The following SUSD4 variants were observed in gnomAD, a reference collection of about 807,000 sequenced individuals.
SUSD4 encodes the protein sushi domain containing 4.
In SUSD4, 41 loss-of-function variants were observed where a neutral mutation model predicts 50.5. That is an observed-to-expected ratio of 0.81 (90% CI 0.63 to 1.05). The LOEUF is 1.05. Ranked by LOEUF, SUSD4 falls within the 50% of genes least tolerant of loss-of-function variation. The pLI is 0.00. For synonymous variants in SUSD4, 257 were observed against 257.3 expected, an observed-to-expected ratio of 1.00 and a Z score of 0.01; for missense variants, 580 against 634.7, an observed-to-expected ratio of 0.91 and a Z score of 0.93.
At chr1:223,285,176 A>G (rs1664054603) in intron 3 of SUSD4, among the ~76,000 whole-genome samples, 1 of 152,210 alleles carries the variant, frequency 6.6e-6, no homozygotes, top group African/African-American at 2.4e-5. Context: ...TACCCAATCC[A>G]TATGACAGAC....
chr1:223,288,091 T>C (rs1400568321), intron 3 of SUSD4, among the ~76,000 whole-genome samples: 1 of 152,044 alleles, frequency 6.6e-6, no homozygotes, highest in Admixed American at 6.6e-5. Flanking sequence ...CCACCTCATA[T>C]GGTTTGGCTC....
At chr1:223,295,664 G>C (rs1664771693) in intron 2 of SUSD4, among the ~76,000 whole-genome samples, 1 of 152,116 alleles carries the variant, frequency 6.6e-6, no homozygotes, top group South Asian at 2.1e-4. Context: ...GTGCCTGCTA[G>C]GGGTGGGGCT....
At chr1:223,287,258 G>A (rs1254136969) in intron 3 of SUSD4, among the ~76,000 whole-genome samples, 1 of 152,154 alleles carries the variant, frequency 6.6e-6, no homozygotes, top group Non-Finnish European at 1.5e-5. Context: ...TGTATTTTTA[G>A]TAAAGACAAG....
At chr1:223,265,278 T>C (rs1434505449) in intron 4 of SUSD4, among the ~76,000 whole-genome samples, 1 of 152,184 alleles carries the variant, frequency 6.6e-6, no homozygotes, top group Non-Finnish European at 1.5e-5. Flanking sequence ...TTCAGAAGCT[T>C]AGGTTCCAAA....
At chr1:223,282,216 A>G (rs915698890) in intron 3 of SUSD4, among the ~76,000 whole-genome samples, 2 of 152,170 alleles carry the variant, frequency 1.3e-5, no homozygotes, top group Non-Finnish European at 2.9e-5. Flanking sequence ...CCTATTCAAC[A>G]TAGTGTTGGA....
At chr1:223,256,958 G>A (rs1034560259) in intron 5 of SUSD4, among the ~76,000 whole-genome samples, 12 of 152,170 alleles carry the variant, frequency 7.9e-5, no homozygotes, top group African/African-American at 2.2e-4. Context: ...ATAGGCTGGC[G>A]CCACACTTGC....
At chr1:223,342,372 T>A (rs565125927) in intron 2 of SUSD4, among the ~76,000 whole-genome samples, 6 of 152,390 alleles carry the variant, frequency 3.9e-5, no homozygotes, top group African/African-American at 1.4e-4. Context: ...ATTGAATAGA[T>A]GTCCCTTCTC....
intron 5 of SUSD4, among the ~76,000 whole-genome samples, chr1:223,262,608 C>G (rs1662200675): frequency 6.6e-6 from 1 of 152,126 alleles, no homozygotes; most frequent in African/African-American, 2.4e-5. Flanking sequence ...TAGTTTAACC[C>G]ACTGCTTAAT....
chr1:223,326,110 G>C (rs116013909), intron 2 of SUSD4, among the ~76,000 whole-genome samples: 3 of 152,220 alleles, frequency 2.0e-5, no homozygotes, highest in African/African-American at 7.2e-5. Context: ...ATACTACAAG[G>C]GTGTAGTTAC....
chr1:223,261,173 C>T (rs965288326), intron 5 of SUSD4, among the ~76,000 whole-genome samples: 18 of 152,290 alleles, frequency 1.2e-4, no homozygotes, highest in South Asian at 2.1e-4. Flanking sequence ...GGCCACCCAG[C>T]GGGCAGCAGA....
At chr1:223,279,669 G>A (rs1032454750) in intron 3 of SUSD4, among the ~76,000 whole-genome samples, 3 of 152,252 alleles carry the variant, frequency 2.0e-5, no homozygotes, top group East Asian at 1.9e-4. Flanking sequence ...ACTCTGCAGG[G>A]TATTATCCAG....
At chr1:223,264,851 C>A (rs781720892) in intron 4 of SUSD4, 33 bp from the exon 5 acceptor site, 2 of 1,604,022 alleles carry the variant, frequency 1.2e-6, no homozygotes, top group Admixed American at 1.7e-5. Context: ...GGAAAGATTC[C>A]ACTCTGTCAT....
rs559574156 is a variant in SUSD4, at chr1:223,335,847, A to G, written c.148+27431T>C. On this transcript the variant is annotated intron_variant, in intron 2 of 8. Transcript: ENST00000366878. ...AAGAATGTCTACAGGGAAAAAGGAGATTTGCTAGATTACTTGTTGCACTTG... is the reference window on the plus strand; with the variant it reads ...AAGAATGTCTACAGGGAAAAAGGAGGTTTGCTAGATTACTTGTTGCACTTG... 2.0e-5 allele frequency among the ~76,000 whole-genome samples: 3 copies of G among 152,270 alleles called. 1 individual carries two copies. The South Asian group carries it at 6.2e-4, about 32-fold the overall frequency.
At chr1:223,355,194 C>T (rs534094308) in intron 2 of SUSD4, among the ~76,000 whole-genome samples, 2 of 152,116 alleles carry the variant, frequency 1.3e-5, no homozygotes, top group South Asian at 4.2e-4. Context: ...CCTGTTTCAG[C>T]CTGCTGGGTA....
In SUSD4 at chr1:223,228,832, T is replaced by C. The variant is rs577931892; in HGVS notation, c.916+365A>G. On this transcript the variant is annotated intron_variant, in intron 6 of 8. Coordinates refer to ENST00000366878, the MANE Select transcript of SUSD4 (RefSeq NM_017982.4). ...GACAAGGCTGGGAGAAAAAAGAGTG[T>C]GGAGGCTGGAGGTCTTTCCATGGAT... Among the ~76,000 whole-genome samples, 595 of 151,956 alleles carry C rather than the reference T, an allele frequency of 3.9e-3. 3 individuals carry two copies. The highest frequency in any genetic ancestry group is 0.014 in the African/African-American group (560 of 41,470).
intron 2 of SUSD4, among the ~76,000 whole-genome samples, chr1:223,334,981 C>A (rs1667378487): frequency 6.6e-6 from 1 of 152,168 alleles, no homozygotes; most frequent in Non-Finnish European, 1.5e-5. Context: ...ATTTGGTTTT[C>A]CATTCCTGAG....
chr1:223,250,157 G>T (rs1350676511), intron 5 of SUSD4, among the ~76,000 whole-genome samples: 1 of 152,038 alleles, frequency 6.6e-6, no homozygotes, highest in South Asian at 2.1e-4. Flanking sequence ...ATTTCTTTCT[G>T]AGCTTTGGTT....
At chr1:223,282,872 G>A (rs1375782999) in intron 3 of SUSD4, among the ~76,000 whole-genome samples, 12 of 152,096 alleles carry the variant, frequency 7.9e-5, no homozygotes, top group Non-Finnish European at 1.6e-4. Flanking sequence ...AAACAGCATG[G>A]TACTGGTACC....
chr1:223,258,017 G>A (rs563109962), intron 5 of SUSD4, among the ~76,000 whole-genome samples: 1 of 152,304 alleles, frequency 6.6e-6, no homozygotes, highest in African/African-American at 2.4e-5. Flanking sequence ...CCCCCTTTGA[G>A]TGTCCCCTGC....
Sources: gnomAD v4.1 joint callset for allele counts (sites outside exome capture counted in the v4.1 genomes callset) on GRCh38, gnomAD v4.1.1 for gene constraint, MANE v1.5 for transcripts, NCBI Gene and HGNC (gene_info 2026-07-23, HGNC 2026-07-21) for gene names.